Variants in PRKG2 observed in about 807,000 individuals in gnomAD.
PRKG2 encodes protein kinase cGMP-dependent 2, also known as cGMP-dependent protein kinase 2.
A neutral mutation model predicts 97.2 loss-of-function variants in PRKG2; 33 were observed. The observed-to-expected ratio is 0.34, with a 90% CI of 0.26 to 0.45. The LOEUF (loss-of-function observed/expected upper bound fraction) is 0.45, where lower values mean the gene tolerates loss of function less well. Ranked by LOEUF, PRKG2 falls within the 20% of genes least tolerant of loss-of-function variation. The pLI, the probability that PRKG2 is intolerant of heterozygous loss-of-function variation, is 1.00. For synonymous variants in PRKG2, 330 were observed against 321.8 expected, an observed-to-expected ratio of 1.03 and a Z score of -0.27; for missense variants, 638 against 900.0, an observed-to-expected ratio of 0.71 and a Z score of 3.73.
chr4:81,160,060 G>A (rs1749482495), intron 6 of PRKG2, among the ~76,000 whole-genome samples: 2 of 151,932 alleles, frequency 1.3e-5, no homozygotes, highest in South Asian at 4.2e-4. Flanking sequence ...GTATACATAT[G>A]TAACTGACCT....
At chr4:81,118,146 T>C (rs190012979) in intron 14 of PRKG2, among the ~76,000 whole-genome samples, 2 of 152,228 alleles carry the variant, frequency 1.3e-5, no homozygotes, top group Non-Finnish European at 2.9e-5. Flanking sequence ...CATTTTGTTT[T>C]TTCGCATCTT....
chr4:81,189,786 AACAG>A (rs548195461), intron 2 of PRKG2, among the ~76,000 whole-genome samples: 28 of 150,416 alleles, frequency 1.9e-4, no homozygotes, highest in South Asian at 1.3e-3. Flanking sequence ...AAAGAAAAAA[AACAG>A]ACAGAGAGCC....
At chr4:81,110,824 C>A (rs1303003044) in intron 14 of PRKG2, among the ~76,000 whole-genome samples, 1 of 150,364 alleles carries the variant, frequency 6.7e-6, no homozygotes, top group African/African-American at 2.5e-5. Flanking sequence ...TATTCCTTTG[C>A]AGGGTCAGGT....
At chr4:81,209,345 T>C (rs1753847284) in intron 1 of PRKG2, among the ~76,000 whole-genome samples, 1 of 152,130 alleles carries the variant, frequency 6.6e-6, no homozygotes, top group Admixed American at 6.6e-5. Context: ...TCTCTACCCA[T>C]CTGGAGTCTG....
chr4:81,109,706 T>C (rs192268953), intron 15 of PRKG2, among the ~76,000 whole-genome samples: 8 of 152,340 alleles, frequency 5.3e-5, no homozygotes, highest in Non-Finnish European at 1.0e-4. Flanking sequence ...TTGTCAGAAC[T>C]AAACTACATA....
At chr4:81,146,994 T>C (rs1371215462) in intron 9 of PRKG2, among the ~76,000 whole-genome samples, 2 of 152,182 alleles carry the variant, frequency 1.3e-5, no homozygotes, top group African/African-American at 4.8e-5. Flanking sequence ...CCTAGTTATA[T>C]CTGATAATCA....
chr4:81,155,477 A>C (rs58812398), intron 6 of PRKG2, among the ~76,000 whole-genome samples: 21,519 of 152,040 alleles, frequency 0.14, 2,416 homozygotes, highest in East Asian at 0.46. Flanking sequence ...AGTGATGGGG[A>C]GAACGGAACC....
chr4:81,174,413 G>C (rs138454748), intron 3 of PRKG2, among the ~76,000 whole-genome samples: 14 of 152,128 alleles, frequency 9.2e-5, no homozygotes, highest in Admixed American at 3.3e-4. Flanking sequence ...AGATTCTTAA[G>C]TCAAATTGCC....
intron 14 of PRKG2, among the ~76,000 whole-genome samples, chr4:81,129,073 C>T (rs1158419744): frequency 6.6e-6 from 1 of 152,114 alleles, no homozygotes; most frequent in Admixed American, 6.6e-5. Flanking sequence ...TTGTTATTTA[C>T]CCAGTAGTCA....
chr4:81,142,865 A>C lies in PRKG2; in HGVS notation c.1336T>G (p.Ser446Ala), dbSNP rs200933391. The C allele has an allele frequency of 6.2e-5, 100 of 1,613,342 alleles. No homozygotes were observed. The highest frequency in any genetic ancestry group is 1.7e-5 in the Admixed American group (1 of 59,982). Residue 446 changes from serine to alanine, a missense_variant, in exon 11 of 19, where the codon TCA becomes GCA. Coordinates refer to ENST00000264399, the MANE Select transcript of PRKG2 (RefSeq NM_006259.3). ...QLKEKVARFS[S>A]SSPFQNLEII... The stretch of plus-strand genomic sequence containing the variant: ...TCAAGGTTCTGGAATGGGGATGATG[A>C]GGAAAATCTGGCCACCTTCTCCTTC...
intron 10 of PRKG2, among the ~76,000 whole-genome samples, chr4:81,143,594 A>C (rs1237010769): frequency 6.6e-6 from 1 of 152,212 alleles, no homozygotes; most frequent in Non-Finnish European, 1.5e-5. Flanking sequence ...TCAGCGTAAA[A>C]ATTGCAAAAA....
intron 1 of PRKG2, among the ~76,000 whole-genome samples, chr4:81,206,772 G>T (rs1247359185): frequency 6.6e-6 from 1 of 152,116 alleles, no homozygotes; most frequent in East Asian, 1.9e-4. Flanking sequence ...GAATAACTGT[G>T]ACCTCTACAA....
chr4:81,162,814 G>T (rs902830818), intron 6 of PRKG2, among the ~76,000 whole-genome samples: 1 of 152,044 alleles, frequency 6.6e-6, no homozygotes, highest in Admixed American at 6.6e-5. Context: ...ATAGCTGCGG[G>T]GATTGTGTTC....
intron 9 of PRKG2, among the ~76,000 whole-genome samples, chr4:81,148,195 C>T (rs1748042796): frequency 6.6e-6 from 1 of 152,000 alleles, no homozygotes; most frequent in African/African-American, 2.4e-5. Flanking sequence ...TATGCGTATG[C>T]TCTATTTCTT....
chr4:81,150,846 G>A (rs1018408018), intron 8 of PRKG2, among the ~76,000 whole-genome samples: 1 of 151,948 alleles, frequency 6.6e-6, no homozygotes, highest in Admixed American at 6.6e-5. Context: ...TTTATATTCT[G>A]TTACAAATAA....
intron 2 of PRKG2, among the ~76,000 whole-genome samples, chr4:81,182,404 A>C (rs1658096205): frequency 6.6e-6 from 1 of 152,050 alleles, no homozygotes. Flanking sequence ...AATCTCCTTA[A>C]TCTGATAAAA....
chr4:81,153,794 A>C (rs1164231730), intron 6 of PRKG2, 73 bp from the exon 7 acceptor site: 88 of 1,053,536 alleles, frequency 8.4e-5, no homozygotes, highest in Middle Eastern at 2.3e-4. Flanking sequence ...CAGCTCCAGT[A>C]TACAGCTCCC....
chr4:81,153,512 G>A (rs1748624699), intron 7 of PRKG2, 132 bp downstream of exon 7: 6 of 647,816 alleles, frequency 9.3e-6, no homozygotes, highest in Middle Eastern at 8.7e-4. Context: ...AATTGCATGG[G>A]ACTCTACTGG....
intron 17 of PRKG2, among the ~76,000 whole-genome samples, chr4:81,099,353 G>C (rs1578332484): frequency 6.6e-6 from 1 of 152,094 alleles, no homozygotes; most frequent in African/African-American, 2.4e-5. Context: ...ACATCAAAAA[G>C]CTTATCCACC....
Sources: gnomAD v4.1 joint callset for allele counts (sites outside exome capture counted in the v4.1 genomes callset) on GRCh38, gnomAD v4.1.1 for gene constraint, MANE v1.5 for transcripts, NCBI Gene and HGNC (gene_info 2026-07-23, HGNC 2026-07-21) for gene names.